Variants in SNTB1 observed in about 807,000 individuals in gnomAD.
The protein encoded by SNTB1 is syntrophin beta 1.
In SNTB1, 36 loss-of-function variants were observed where a neutral mutation model predicts 48.9. The ratio of observed to expected loss-of-function variants is 0.74; its 90% CI spans 0.56 to 0.97. The LOEUF (loss-of-function observed/expected upper bound fraction) is 0.97, where lower values mean the gene tolerates loss of function less well. Among genes scored for constraint, SNTB1 ranks in the 50% least tolerant of loss-of-function variants. The probability of loss-of-function intolerance (pLI) is 0.00; values close to 1 mark genes in which losing one functional copy is unlikely to be tolerated. For missense variants in SNTB1, 786 were observed against 703.4 expected (o/e 1.12, Z -1.33); for synonymous variants, 299 against 294.6 (o/e 1.01, Z -0.15).
intron 1 of SNTB1, among the ~76,000 whole-genome samples, chr8:120,746,615 A>C (rs914900749): frequency 6.6e-5 from 10 of 152,218 alleles, no homozygotes; most frequent in Admixed American, 6.5e-4. Flanking sequence ...TCACATCTAA[A>C]TAAACCAAGT....
At chr8:120,670,445 G>A (rs1021392746) in intron 2 of SNTB1, among the ~76,000 whole-genome samples, 3 of 152,188 alleles carry the variant, frequency 2.0e-5, no homozygotes, top group Admixed American at 6.5e-5. Context: ...AGACAGAAAC[G>A]ACTACTCAGA....
At chr8:120,641,198 G>T (rs1402805235) in intron 2 of SNTB1, among the ~76,000 whole-genome samples, 1 of 152,148 alleles carries the variant, frequency 6.6e-6, no homozygotes, top group African/African-American at 2.4e-5. Context: ...TCACTGTTCA[G>T]TAAAGTTGCA....
intron 1 of SNTB1, among the ~76,000 whole-genome samples, chr8:120,752,191 G>C (rs1196724405): frequency 6.6e-6 from 1 of 152,020 alleles, no homozygotes; most frequent in Non-Finnish European, 1.5e-5. Context: ...AAATCCAATT[G>C]GATCTCAGAT....
intron 1 of SNTB1, among the ~76,000 whole-genome samples, chr8:120,803,525 C>T (rs753150865): frequency 9.9e-5 from 15 of 152,136 alleles, no homozygotes; most frequent in South Asian, 2.1e-4. Flanking sequence ...TGAAATGGAA[C>T]GCTTAGTAGG....
chr8:120,660,674 G>A (rs1817573385), intron 2 of SNTB1, among the ~76,000 whole-genome samples: 1 of 152,174 alleles, frequency 6.6e-6, no homozygotes, highest in South Asian at 2.1e-4. Context: ...TTCACAACTT[G>A]GCTAAGTGTT....
intron 4 of SNTB1, among the ~76,000 whole-genome samples, chr8:120,571,859 T>C (rs1815860181): frequency 6.6e-6 from 1 of 152,134 alleles, no homozygotes; most frequent in Admixed American, 6.6e-5. Context: ...CTGCCAAACA[T>C]TTTGAAGCTT....
At chr8:120,570,791 C>T (rs72680554) in intron 4 of SNTB1, 33,346 of 157,748 alleles carry the variant, frequency 0.21, 3,759 homozygotes, top group Middle Eastern at 0.31. Context: ...TGGATCTTCC[C>T]TAAGTCTGGA....
At chr8:120,746,761 A>G (rs1414094026) in intron 1 of SNTB1, among the ~76,000 whole-genome samples, 3 of 152,236 alleles carry the variant, frequency 2.0e-5, no homozygotes, top group African/African-American at 7.2e-5. Flanking sequence ...AACATTCAGT[A>G]TTACTGGACA....
rs1819459710 is a variant in SNTB1 at position 120,763,477 on chromosome 8, G to A, written c.571+47796C>T. Among the ~76,000 whole-genome samples the A allele has an allele frequency of 2.0e-5, 3 of 152,074 alleles. No individual in the cohort carries two copies. The South Asian group carries it at 6.2e-4, about 32-fold the overall frequency. On this transcript the variant is annotated intron_variant, in intron 1 of 6. Transcript: ENST00000517992. ...CCCTTTGGAAAAACAAAACTAACTAGGAAAAAATTGACCTATTAAAACAAT... is the reference window on the plus strand; with the variant it reads ...CCCTTTGGAAAAACAAAACTAACTAAGAAAAAATTGACCTATTAAAACAAT...
At chr8:120,630,279 G>A (rs368110266) in intron 3 of SNTB1, among the ~76,000 whole-genome samples, 1 of 152,322 alleles carries the variant, frequency 6.6e-6, no homozygotes, top group East Asian at 1.9e-4. Context: ...CAGTGGGCAG[G>A]GGTTGGCAGG....
intron 3 of SNTB1, among the ~76,000 whole-genome samples, chr8:120,629,064 C>G (rs922203027): frequency 6.6e-6 from 1 of 152,166 alleles, no homozygotes; most frequent in Non-Finnish European, 1.5e-5. Flanking sequence ...AGGATGAACT[C>G]TCGCTTCACT....
intron 1 of SNTB1, among the ~76,000 whole-genome samples, chr8:120,754,887 T>C (rs966639477): frequency 2.6e-5 from 4 of 152,100 alleles, no homozygotes; most frequent in African/African-American, 9.7e-5. Flanking sequence ...ACTGTAGAGT[T>C]GTAAATGAGG....
chr8:120,787,472 A>ATAAAT (rs1052107256), intron 1 of SNTB1, among the ~76,000 whole-genome samples: 5 of 152,152 alleles, frequency 3.3e-5, no homozygotes, highest in Non-Finnish European at 5.9e-5. Flanking sequence ...AACAACATAA[A>ATAAAT]TAAATTTCAA....
rs1048509847 is a variant in SNTB1, at chr8:120,771,851, TTTTA to T, written c.571+39418_571+39421del. 3.9e-5 allele frequency among the ~76,000 whole-genome samples: 6 copies of T among 152,226 alleles called. No individual in the cohort carries two copies. In the South Asian group the frequency reaches 1.2e-3, roughly 32 times the overall value. On this transcript the variant is annotated intron_variant, in intron 1 of 6. Transcript: ENST00000517992. ...CACATTTTGTATCTGTTTTATTTTATTTTATTTATTTATTATTTATGTATTTATT... is the reference window on the plus strand; with the variant it reads ...CACATTTTGTATCTGTTTTATTTTATTTTATTTATTATTTATGTATTTATT...
intron 2 of SNTB1, among the ~76,000 whole-genome samples, chr8:120,683,313 G>T (rs1232930404): frequency 6.6e-6 from 1 of 152,086 alleles, no homozygotes; most frequent in Non-Finnish European, 1.5e-5. Context: ...TGTTTCAGGA[G>T]GTTTCCAGTT....
At chr8:120,744,245 G>A (rs1587129721) in intron 1 of SNTB1, among the ~76,000 whole-genome samples, 2 of 151,994 alleles carry the variant, frequency 1.3e-5, no homozygotes, top group East Asian at 3.9e-4. Flanking sequence ...TCAATGCTTG[G>A]AAGAGTACAT....
intron 1 of SNTB1, among the ~76,000 whole-genome samples, chr8:120,694,568 ATTCT>A (rs948709880): frequency 4.3e-4 from 65 of 151,458 alleles, no homozygotes; most frequent in African/African-American, 1.5e-3. Flanking sequence ...TATATCATTA[ATTCT>A]TTATATATAT....
chr8:120,632,478 C>T lies in SNTB1; in HGVS notation c.962G>A (p.Arg321Gln), dbSNP rs368696113. The T allele has an allele frequency of 6.3e-5, 102 of 1,614,122 alleles. No individual in the cohort carries two copies. Among genetic ancestry groups the T allele is most frequent in the African/African-American group, 5.3e-4 (40 of 75,040 alleles). ...AAGCCAGCCAAGATGCCTAATCTCT[C>T]GGCTCCCAGCAATGCCTGTTTTCCC... ...QLGKTGIAGS[R>Q]EIRHLGWLAE... The change falls in exon 3 of 7, where the codon CGA becomes CAA. Residue 321 changes from arginine to glutamine, a missense_variant. By Grantham distance (43) the Arg-to-Gln change is conservative. Transcript: ENST00000517992.
At chr8:120,554,685 C>T (rs1239886216) in intron 4 of SNTB1, among the ~76,000 whole-genome samples, 1 of 152,122 alleles carries the variant, frequency 6.6e-6, no homozygotes, top group Non-Finnish European at 1.5e-5. Context: ...AGAAGTGTTT[C>T]GAGTCTAACA....
Sources: allele counts gnomAD v4.1 joint callset (sites outside exome capture counted in the v4.1 genomes callset), GRCh38; gene constraint gnomAD v4.1.1; transcripts MANE v1.5; gene names NCBI Gene and HGNC (gene_info 2026-07-23, HGNC 2026-07-21).